Variants in C1QTNF9 observed in about 807,000 individuals in gnomAD.
C1QTNF9 encodes complement C1q and tumor necrosis factor-related protein 9A.
In C1QTNF9, 6 loss-of-function variants were observed where a neutral mutation model predicts 10.1. That is an observed-to-expected ratio of 0.59 (90% CI 0.32 to 1.17). The LOEUF (loss-of-function observed/expected upper bound fraction) is 1.17. Ranked by LOEUF, C1QTNF9 falls within the 50% of genes most tolerant of loss-of-function variation. The pLI, the probability that C1QTNF9 is intolerant of heterozygous loss-of-function variation, is 0.04. For missense variants in C1QTNF9, 201 were observed against 418.8 expected (o/e 0.48, Z 4.54); for synonymous variants, 98 against 163.5 (o/e 0.60, Z 3.06).
At chr13:24,320,744 T>A (rs975288981) in intron 3 of C1QTNF9, among the ~76,000 whole-genome samples, 10 of 151,300 alleles carry the variant, frequency 6.6e-5, no homozygotes, top group African/African-American at 9.7e-5. Flanking sequence ...AGAGTCAGGG[T>A]ATTGCTATGT....
At chr13:24,307,812 T>C (rs986336492), upstream of C1QTNF9, among the ~76,000 whole-genome samples, 7 of 152,226 alleles carry the variant, frequency 4.6e-5, no homozygotes, top group African/African-American at 1.7e-4. Context: ...GCCCCTACTC[T>C]GCACTGGCGA....
At chr13:24,320,867 A>G in intron 3 of C1QTNF9, 129 bp from the exon 4 acceptor site, 1 of 847,312 alleles carries the variant, frequency 1.2e-6, no homozygotes, top group Non-Finnish European at 1.8e-6. Flanking sequence ...ATTGAATTTT[A>G]AACTCTGGGC....
intron 3 of C1QTNF9, 43 bp from the exon 4 acceptor site, chr13:24,320,953 A>T (rs1157539021): frequency 6.4e-6 from 10 of 1,563,450 alleles, no homozygotes; most frequent in Non-Finnish European, 7.8e-6. Flanking sequence ...TCACAAGGGA[A>T]TCTTTCACAA....
chr13:24,312,772 T>C (rs28678530), intron 1 of C1QTNF9, among the ~76,000 whole-genome samples: 12,128 of 151,788 alleles, frequency 0.08, 896 homozygotes, highest in African/African-American at 0.2. Flanking sequence ...CTGGCTAACA[T>C]GGTGAAACCC....
intron 1 of C1QTNF9, among the ~76,000 whole-genome samples, chr13:24,310,572 T>A (rs1336466197): frequency 6.7e-6 from 1 of 150,038 alleles, no homozygotes; most frequent in Non-Finnish European, 1.5e-5. Flanking sequence ...CATTTTCATT[T>A]TTATGGCTAT....
chr13:24,320,535 C>T (rs1171421100), intron 3 of C1QTNF9, among the ~76,000 whole-genome samples: 1 of 152,040 alleles, frequency 6.6e-6, no homozygotes, highest in Admixed American at 6.5e-5. Flanking sequence ...CAGTTGTGCA[C>T]CACCGCGCCT....
At chr13:24,312,812 G>A (rs1464602994) in intron 1 of C1QTNF9, among the ~76,000 whole-genome samples, 9 of 151,926 alleles carry the variant, frequency 5.9e-5, no homozygotes, top group Non-Finnish European at 8.8e-5. Flanking sequence ...AAAATTACCC[G>A]GGCATGGTAG....
At chr13:24,319,854 C>G (rs372525333) in intron 3 of C1QTNF9, among the ~76,000 whole-genome samples, 3 of 152,174 alleles carry the variant, frequency 2.0e-5, no homozygotes, top group Non-Finnish European at 1.5e-5. Flanking sequence ...TATCCCCAGA[C>G]GCTAGGTAGT....
At chr13:24,317,981 T>TAAG (rs1450363288) in intron 2 of C1QTNF9, among the ~76,000 whole-genome samples, 1 of 152,000 alleles carries the variant, frequency 6.6e-6, no homozygotes, top group Non-Finnish European at 1.5e-5. Context: ...GTGACAGAAA[T>TAAG]AAGTCTGCCT....
At chr13:24,320,910 T>A (rs1014817545) in intron 3 of C1QTNF9, 86 bp from the exon 4 acceptor site, 88 of 1,441,918 alleles carry the variant, frequency 6.1e-5, no homozygotes, top group Non-Finnish European at 7.9e-5. Flanking sequence ...TTTGTTTCAT[T>A]TGTGAGCTCA....
At chr13:24,310,266 G>T (rs541988461) in intron 1 of C1QTNF9, among the ~76,000 whole-genome samples, 1 of 151,358 alleles carries the variant, frequency 6.6e-6, no homozygotes, top group Admixed American at 6.6e-5. Flanking sequence ...CCATTCTTCT[G>T]CCTCAGCCTC....
chr13:24,310,222 C>T (rs537185290), intron 1 of C1QTNF9, among the ~76,000 whole-genome samples: 13 of 151,412 alleles, frequency 8.6e-5, no homozygotes, highest in African/African-American at 3.2e-4. Flanking sequence ...GGCAGGATCT[C>T]AGCTCACTGC....
At chr13:24,312,954 CAAAAAAAAAAAAAAA>C (rs1877890893) in intron 1 of C1QTNF9, among the ~76,000 whole-genome samples, 1 of 115,896 alleles carries the variant, frequency 8.6e-6, no homozygotes, top group Non-Finnish European at 1.7e-5. Flanking sequence ...GACTCTATCT[CAAAAAAAAAAAAAAA>C]GAAAAAAAAA....
intron 1 of C1QTNF9, among the ~76,000 whole-genome samples, chr13:24,313,802 C>T (rs1877926979): frequency 6.6e-6 from 1 of 152,202 alleles, no homozygotes; most frequent in South Asian, 2.1e-4. Context: ...AAGCAACCAT[C>T]TTTATTTGCA....
upstream of C1QTNF9, among the ~76,000 whole-genome samples, chr13:24,307,743 TGGG>T (rs1877653750): frequency 6.6e-6 from 1 of 152,090 alleles, no homozygotes; most frequent in Non-Finnish European, 1.5e-5. Context: ...GTGAAAGAGA[TGGG>T]GGTGGCATTT....
Position 24,314,517 on chromosome 13 carries a change from T to C in C1QTNF9, c.-22-1465T>C, listed in dbSNP as rs544883193. Among the ~76,000 whole-genome samples the C allele has an allele frequency of 8.7e-4, 133 of 152,274 alleles. 1 individual carries two copies. The South Asian group carries it at 0.012, about 13-fold the overall frequency. On this transcript the variant is annotated intron_variant, in intron 1 of 3. Coordinates refer to ENST00000332018, the Ensembl canonical transcript of C1QTNF9. The stretch of plus-strand genomic sequence containing the variant: ...GGCCAGCATGGTGAAACCCCGTCTC[T>C]ACTAAAAATACAAAAATTAGCTAGG...
At chr13:24,316,161 G>A (rs1310823252) in exon 2 of C1QTNF9, 6 of 1,600,376 alleles carry the variant, frequency 3.7e-6, no homozygotes, top group Non-Finnish European at 5.1e-6. Context: ...GGTGACAAAG[G>A]CGATGCAGGT....
upstream of C1QTNF9, among the ~76,000 whole-genome samples, chr13:24,309,283 T>TTATTTATATATATATATATATATATATA (rs1555279694): frequency 1.3e-4 from 9 of 68,274 alleles, no homozygotes; most frequent in Admixed American, 3.0e-4. Flanking sequence ...ACTTAAAGTA[T>TTATTTATATATATATATATATATATATA]TATATATATA....
At chr13:24,315,012 A>T (rs933834392) in intron 1 of C1QTNF9, among the ~76,000 whole-genome samples, 1 of 152,064 alleles carries the variant, frequency 6.6e-6, no homozygotes, top group African/African-American at 2.4e-5. Flanking sequence ...TTTTTTAAAA[A>T]TTTAATTTAA....
Sources: gnomAD v4.1 joint callset for allele counts (sites outside exome capture counted in the v4.1 genomes callset) on GRCh38, gnomAD v4.1.1 for gene constraint, MANE v1.5 for transcripts, NCBI Gene and HGNC (gene_info 2026-07-23, HGNC 2026-07-21) for gene names.